The following PDGFA variants were observed in gnomAD, a reference collection of about 807,000 sequenced individuals.
PDGFA encodes platelet derived growth factor subunit A, also known as platelet-derived growth factor subunit A.
A neutral mutation model predicts 25.6 loss-of-function variants in PDGFA; 9 were observed. The observed-to-expected ratio is 0.35, with a 90% confidence interval of 0.21 to 0.61. The LOEUF (loss-of-function observed/expected upper bound fraction) is 0.61. PDGFA is among the 20% of genes least tolerant of loss of function. The pLI is 0.75. For synonymous variants in PDGFA, 133 were observed against 111.8 expected (o/e 1.19, Z -1.20); for missense variants, 242 against 272.8 (o/e 0.89, Z 0.79).
chr7:520,429 C>T (rs1269804152), upstream of PDGFA: 1 of 157,948 alleles, frequency 6.3e-6, no homozygotes, highest in African/African-American at 2.4e-5. Flanking sequence ...GCCCAGGATC[C>T]GAGGCCTGGG....
At chr7:520,208 C>T (rs1361408017), upstream of PDGFA, 15 of 228,454 alleles carry the variant, frequency 6.6e-5, 1 homozygote, top group South Asian at 5.9e-4. Context: ...TCTCTCGGGC[C>T]CCAGCGGCGG....
chr7:505,390 G>A lies in PDGFA; in HGVS notation c.454-4148C>T, dbSNP rs959644732. ...CGCCCCACCTCAACACTCCCGGCGCGAACTCACCCAAGACTACAACCCAGG... is the reference window on the plus strand; with the variant it reads ...CGCCCCACCTCAACACTCCCGGCGCAAACTCACCCAAGACTACAACCCAGG... On this transcript the variant is annotated intron_variant, in intron 4 of 5. Transcript: ENST00000402802. Among the ~76,000 whole-genome samples, 7 of 152,236 alleles carry A rather than the reference G, an allele frequency of 4.6e-5. No homozygotes were observed. In the East Asian group the frequency reaches 9.7e-4, roughly 21 times the overall value.
chr7:497,781 G>C (rs1782109938), exon 6 of PDGFA: 1 of 145,052 alleles, frequency 6.9e-6, no homozygotes, highest in African/African-American at 2.5e-5. Context: ...TCATTAGTTT[G>C]CATCTTGCTA....
chr7:518,874 C>G (rs2128408914), intron 1 of PDGFA, 65 bp downstream of exon 1: 1 of 1,150,462 alleles, frequency 8.7e-7, no homozygotes, highest in Admixed American at 2.7e-5. Context: ...CCGTGGCGCC[C>G]CAGCCGGCGG....
chr7:516,040 G>GCCCCC (rs1299066097), intron 2 of PDGFA, among the ~76,000 whole-genome samples: 1 of 33,764 alleles, frequency 3.0e-5, no homozygotes, highest in African/African-American at 1.2e-4. Flanking sequence ...CCAGGAAGCA[G>GCCCCC]CCCCCCCCCC....
At chr7:503,538 G>T (rs143442320) in intron 4 of PDGFA, among the ~76,000 whole-genome samples, 212 of 152,280 alleles carry the variant, frequency 1.4e-3, no homozygotes, top group African/African-American at 5.0e-3. Context: ...AGGGAGGAGG[G>T]GAATGTTTCC....
chr7:501,387 G>C (rs1264098180), intron 4 of PDGFA, 145 bp from the exon 5 acceptor site: 4 of 980,286 alleles, frequency 4.1e-6, no homozygotes, highest in Middle Eastern at 2.3e-4. Flanking sequence ...TTGTGGTGGG[G>C]AGTGTAGCAG....
chr7:504,911 C>T (rs569528252), intron 4 of PDGFA, among the ~76,000 whole-genome samples: 61 of 152,340 alleles, frequency 4.0e-4, no homozygotes, highest in African/African-American at 1.4e-3. Context: ...GCTCCCAGGA[C>T]ACAACAGAAA....
At chr7:506,175 C>CAAAAAAAAAAAAAAA (rs34159199) in intron 4 of PDGFA, among the ~76,000 whole-genome samples, 74 of 107,286 alleles carry the variant, frequency 6.9e-4, no homozygotes, top group African/African-American at 2.1e-3. Context: ...GACTCTGTCT[C>CAAAAAAAAAAAAAAA]AAAAAAAAAA....
intron 3 of PDGFA, among the ~76,000 whole-genome samples, chr7:511,202 G>A (rs372438978): frequency 9.9e-5 from 15 of 151,880 alleles, no homozygotes; most frequent in African/African-American, 2.7e-4. Context: ...AGCCCAGCCC[G>A]GTGCCTGCAG....
At chr7:504,783 G>C (rs1280799263) in intron 4 of PDGFA, among the ~76,000 whole-genome samples, 1 of 152,238 alleles carries the variant, frequency 6.6e-6, no homozygotes, top group Non-Finnish European at 1.5e-5. Flanking sequence ...CGGCAGGGCA[G>C]ATACCAGGGC....
rs1436313655 is a variant in PDGFA at position 517,887 on chromosome 7, G to A, written c.64-397C>T. Among the ~76,000 whole-genome samples, 1 of 152,158 alleles carries A rather than the reference G, an allele frequency of 6.6e-6. No homozygotes were observed. Among genetic ancestry groups the A allele is most frequent in the Non-Finnish European group, 1.5e-5 (1 of 68,028 alleles). ...GAAAGATCAAGTTAAAATGCGTCAC[G>A]GGTCGGCGAGAGTCACGGCAGCCCT... On this transcript the variant is annotated intron_variant, in intron 1 of 5. Coordinates refer to ENST00000402802, the Ensembl canonical transcript of PDGFA. This position sits in a 1 kb window ranked among gnomAD's most constrained non-coding sequence, Gnocchi z 7.4.
intron 3 of PDGFA, 83 bp downstream of exon 3, chr7:512,268 C>G: frequency 1.5e-6 from 2 of 1,299,392 alleles, no homozygotes; most frequent in Admixed American, 2.1e-5. Flanking sequence ...CTCCTCCCCA[C>G]CCGGCCCTGC....
intron 2 of PDGFA, 68 bp from the exon 3 acceptor site, chr7:512,523 G>A (rs763122602): frequency 3.0e-5 from 49 of 1,608,388 alleles, no homozygotes; most frequent in Middle Eastern, 1.6e-4. Flanking sequence ...CTGTCCAGCC[G>A]CACTTCCCAC....
chr7:502,906 C>A (rs1782412317), intron 4 of PDGFA, among the ~76,000 whole-genome samples: 1 of 152,034 alleles, frequency 6.6e-6, no homozygotes, highest in South Asian at 2.1e-4. Context: ...GAGGCAACTC[C>A]ACCCCCCACC....
chr7:509,985 G>C (rs578051026), intron 4 of PDGFA, among the ~76,000 whole-genome samples: 4 of 152,160 alleles, frequency 2.6e-5, no homozygotes, highest in Non-Finnish European at 5.9e-5. Flanking sequence ...GGGAAGCCGG[G>C]GGGGCCCTCC....
chr7:511,964 C>T (rs934501426), intron 3 of PDGFA, among the ~76,000 whole-genome samples: 2 of 152,188 alleles, frequency 1.3e-5, no homozygotes, highest in African/African-American at 4.8e-5. Flanking sequence ...CGCAGGAGCA[C>T]GATGCCCACA....
chr7:497,985 C>CAAAAAAA (rs201498978), exon 6 of PDGFA: 1 of 47,528 alleles, frequency 2.1e-5, no homozygotes, highest in Non-Finnish European at 4.3e-5. Context: ...AAAACAAAAA[C>CAAAAAAA]AAAAAAAAAA....
intron 4 of PDGFA, among the ~76,000 whole-genome samples, chr7:502,383 G>A (rs1190244918): frequency 6.6e-6 from 1 of 152,118 alleles, no homozygotes; most frequent in Non-Finnish European, 1.5e-5. Context: ...AGCAGGGCCA[G>A]CAGACCCATA....
Sources: gnomAD v4.1 joint callset for allele counts (sites outside exome capture counted in the v4.1 genomes callset) on GRCh38, gnomAD v4.1.1 for gene constraint, Gnocchi (gnomAD v3.1) non-coding constraint, MANE v1.5 for transcripts, NCBI Gene and HGNC (gene_info 2026-07-23, HGNC 2026-07-21) for gene names.